Variants in CSMD1 observed in about 807,000 individuals in gnomAD.
CSMD1 encodes the protein CUB and sushi domain-containing protein 1.
In CSMD1, 213 loss-of-function variants were observed where a neutral mutation model predicts 417.5. That is an observed-to-expected ratio of 0.51 (90% confidence interval 0.46 to 0.57). CSMD1 has a LOEUF of 0.57. Ranked by LOEUF, CSMD1 falls within the 20% of genes least tolerant of loss-of-function variation. The pLI, the probability that CSMD1 is intolerant of heterozygous loss-of-function variation, is 0.00. For synonymous variants in CSMD1, 2,862 were observed against 1,736.8 expected (o/e 1.65, Z -16.11); for missense variants, 6,923 against 4,529.7 (o/e 1.53, Z -15.17).
chr8:4,663,923 T>C (rs1192595010), intron 1 of CSMD1, among the ~76,000 whole-genome samples: 3 of 152,310 alleles, frequency 2.0e-5, no homozygotes, highest in East Asian at 1.9e-4. Flanking sequence ...CATCTGACGA[T>C]GGCTCCACTG....
At chr8:3,592,326 G>A (rs984420243) in intron 8 of CSMD1, among the ~76,000 whole-genome samples, 1 of 151,890 alleles carries the variant, frequency 6.6e-6, no homozygotes, top group Non-Finnish European at 1.5e-5. Flanking sequence ...AAATATAAAA[G>A]GAATATATAT....
chr8:4,870,513 A>C (rs142179071), intron 1 of CSMD1, among the ~76,000 whole-genome samples: 1 of 152,038 alleles, frequency 6.6e-6, no homozygotes, highest in Non-Finnish European at 1.5e-5. Context: ...GTCACATGCA[A>C]CTTGGCCAAG....
intron 5 of CSMD1, among the ~76,000 whole-genome samples, chr8:3,898,624 G>A (rs1374980391): frequency 6.6e-6 from 1 of 152,132 alleles, no homozygotes; most frequent in East Asian, 1.9e-4. Context: ...TAAATCAAAG[G>A]TGCACCTATC....
intron 6 of CSMD1, among the ~76,000 whole-genome samples, chr8:3,721,319 A>G (rs1239828663): frequency 6.6e-6 from 1 of 152,058 alleles, no homozygotes; most frequent in African/African-American, 2.4e-5. Context: ...TGTGTAAGTG[A>G]GTGTGTGTGG....
At chr8:3,470,176 A>C (rs1347248107) in intron 11 of CSMD1, among the ~76,000 whole-genome samples, 5 of 152,144 alleles carry the variant, frequency 3.3e-5, no homozygotes, top group Admixed American at 2.0e-4. Flanking sequence ...CATCTTCTTT[A>C]AAGTTTTTTT....
At chr8:3,416,068 G>C (rs1443421719) in intron 12 of CSMD1, among the ~76,000 whole-genome samples, 1 of 152,088 alleles carries the variant, frequency 6.6e-6, no homozygotes. Flanking sequence ...TTGGGAGGCG[G>C]AGACAGGTGG....
At chr8:3,690,286 C>T (rs537571665) in intron 7 of CSMD1, among the ~76,000 whole-genome samples, 7 of 152,166 alleles carry the variant, frequency 4.6e-5, no homozygotes, top group Non-Finnish European at 8.8e-5. Context: ...CGTTTGAGCC[C>T]AGGAGGTGGC....
chr8:3,776,574 C>T (rs184389963), intron 5 of CSMD1, among the ~76,000 whole-genome samples: 5 of 152,160 alleles, frequency 3.3e-5, no homozygotes, highest in South Asian at 4.1e-4. Flanking sequence ...AGGTGACTCA[C>T]CTTCTTCCTA....
At chr8:4,157,861 TG>T (rs1425495489) in intron 3 of CSMD1, among the ~76,000 whole-genome samples, 2 of 152,142 alleles carry the variant, frequency 1.3e-5, no homozygotes, top group Admixed American at 6.5e-5. Flanking sequence ...ATGCTGAAGT[TG>T]GGCTTGGTCC....
chr8:4,473,337 C>A (rs1050043376), intron 2 of CSMD1, among the ~76,000 whole-genome samples: 5 of 152,180 alleles, frequency 3.3e-5, no homozygotes, highest in African/African-American at 9.7e-5. Context: ...TCAGCAGAGA[C>A]AACCTGATGC....
chr8:4,790,982 G>A (rs972222090), intron 1 of CSMD1, among the ~76,000 whole-genome samples: 1 of 152,250 alleles, frequency 6.6e-6, no homozygotes. Flanking sequence ...ATTGACAAGT[G>A]GGACCTAATT....
chr8:4,324,935 G>T (rs1183400727), intron 3 of CSMD1, among the ~76,000 whole-genome samples: 1 of 152,140 alleles, frequency 6.6e-6, no homozygotes, highest in Non-Finnish European at 1.5e-5. Context: ...CTCTTCACGG[G>T]AAGGAGGCAA....
intron 6 of CSMD1, among the ~76,000 whole-genome samples, chr8:3,747,645 C>A (rs1797125421): frequency 6.6e-6 from 1 of 152,034 alleles, no homozygotes; most frequent in Non-Finnish European, 1.5e-5. Flanking sequence ...GCGCTTGCAT[C>A]TCCTCTGGAC....
At chr8:4,626,269 T>G (rs559520583) in intron 2 of CSMD1, among the ~76,000 whole-genome samples, 1 of 152,162 alleles carries the variant, frequency 6.6e-6, no homozygotes, top group South Asian at 2.1e-4. Context: ...CCTCTCTGAT[T>G]CTCTCAAATT....
chr8:4,444,811 G>A (rs1413666257), intron 2 of CSMD1, among the ~76,000 whole-genome samples: 2 of 152,142 alleles, frequency 1.3e-5, no homozygotes, highest in Non-Finnish European at 2.9e-5. Context: ...TCAGATGCTT[G>A]TGACCTCAGC....
chr8:4,581,022 G>T (rs534296840), intron 2 of CSMD1, among the ~76,000 whole-genome samples: 1 of 152,240 alleles, frequency 6.6e-6, no homozygotes, highest in Admixed American at 6.5e-5. Context: ...TGTGGTCATG[G>T]CTAGGTAAAT....
At chr8:4,336,727 A>G (rs1473681071) in intron 3 of CSMD1, among the ~76,000 whole-genome samples, 1 of 152,076 alleles carries the variant, frequency 6.6e-6, no homozygotes, top group African/African-American at 2.4e-5. Flanking sequence ...CTAGGATCCA[A>G]TTACTCTGAG....
At chr8:4,979,177 G>A (rs969247241) in intron 1 of CSMD1, among the ~76,000 whole-genome samples, 8 of 152,114 alleles carry the variant, frequency 5.3e-5, no homozygotes, top group Admixed American at 2.6e-4. Flanking sequence ...TTCAAATGAT[G>A]AACTAGGAGG....
intron 3 of CSMD1, among the ~76,000 whole-genome samples, chr8:4,316,664 G>C (rs1257209514): frequency 2.0e-5 from 3 of 152,108 alleles, no homozygotes; most frequent in South Asian, 2.1e-4. Context: ...CAAGATGAAG[G>C]ACTCAAATGC....
Sources: allele counts gnomAD v4.1 joint callset (sites outside exome capture counted in the v4.1 genomes callset), GRCh38; gene constraint gnomAD v4.1.1; transcripts MANE v1.5; gene names NCBI Gene and HGNC (gene_info 2026-07-23, HGNC 2026-07-21).